The following ARHGAP10 variants were observed in gnomAD, a reference collection of about 807,000 sequenced individuals.
ARHGAP10 encodes rho GTPase-activating protein 10.
A neutral mutation model predicts 108.6 loss-of-function variants in ARHGAP10; 87 were observed. That is an observed-to-expected ratio of 0.80 (90% CI 0.67 to 0.96). The LOEUF is 0.96. Among genes scored for constraint, ARHGAP10 ranks in the 40% least tolerant of loss-of-function variants. ARHGAP10 has a pLI of 0.00. For missense variants in ARHGAP10, 939 were observed against 954.5 expected (o/e 0.98, Z 0.21); for synonymous variants, 347 against 341.1 (o/e 1.02, Z -0.19).
At chr4:147,942,948 C>T (rs747052215) in intron 14 of ARHGAP10, among the ~76,000 whole-genome samples, 4 of 152,178 alleles carry the variant, frequency 2.6e-5, no homozygotes, top group African/African-American at 9.7e-5. Flanking sequence ...TAAGACAGGG[C>T]GCACAGATTT....
intron 22 of ARHGAP10, among the ~76,000 whole-genome samples, chr4:148,067,048 C>T (rs1729914772): frequency 6.6e-6 from 1 of 152,190 alleles, no homozygotes; most frequent in Non-Finnish European, 1.5e-5. Context: ...CGTTCTGTCC[C>T]TCCCCTAAGG....
chr4:148,002,081 A>G (rs1300060273), intron 18 of ARHGAP10, among the ~76,000 whole-genome samples: 2 of 152,236 alleles, frequency 1.3e-5, no homozygotes, highest in African/African-American at 4.8e-5. Flanking sequence ...ATTTTGAGAT[A>G]CATCCCATGA....
chr4:147,750,658 G>C (rs1328995405), intron 1 of ARHGAP10, among the ~76,000 whole-genome samples: 1 of 151,230 alleles, frequency 6.6e-6, no homozygotes, highest in African/African-American at 2.4e-5. Flanking sequence ...CTGGAGTGCA[G>C]TGGCGTGATC....
chr4:148,063,400 C>G (rs1578841976), intron 21 of ARHGAP10, 100 bp downstream of exon 21: 5 of 1,442,274 alleles, frequency 3.5e-6, no homozygotes, highest in Non-Finnish European at 4.7e-6. Context: ...CAAAAGCTTG[C>G]CCAGATACCC....
At chr4:148,032,255 G>A (rs1728179003) in intron 19 of ARHGAP10, among the ~76,000 whole-genome samples, 1 of 143,792 alleles carries the variant, frequency 7.0e-6, no homozygotes, top group Non-Finnish European at 1.5e-5. Context: ...AGCCATTGAT[G>A]TTCATGGGTT....
chr4:147,806,048 C>A (rs1204656957), intron 1 of ARHGAP10, among the ~76,000 whole-genome samples: 1 of 152,056 alleles, frequency 6.6e-6, no homozygotes. Context: ...TTTATAAAAT[C>A]CATACTTTAA....
At chr4:147,889,001 CTG>C (rs1234600338) in intron 10 of ARHGAP10, among the ~76,000 whole-genome samples, 1 of 152,196 alleles carries the variant, frequency 6.6e-6, no homozygotes, top group African/African-American at 2.4e-5. Flanking sequence ...GGTAGGAACA[CTG>C]TCTTACTTAG....
At position 148,061,419 on chromosome 4, in the gene ARHGAP10, C is replaced by G. The variant is rs563458839; in HGVS notation, c.2028-1729C>G. On this transcript the variant is annotated intron_variant, in intron 20 of 22. Coordinates refer to ENST00000336498, the MANE Select transcript of ARHGAP10 (RefSeq NM_024605.4). Reference sequence around the variant, plus strand: ...AGGGCTTCACTCACGCCTACCTGTCCTTTCCGTTCCTGATTAGTAAGACAA... The same window carrying G: ...AGGGCTTCACTCACGCCTACCTGTCGTTTCCGTTCCTGATTAGTAAGACAA... Among the ~76,000 whole-genome samples, 4 of 152,074 alleles carry G rather than the reference C, an allele frequency of 2.6e-5. No individual in the cohort carries two copies. The South Asian group carries it at 8.3e-4, about 32-fold the overall frequency.
chr4:148,017,652 CTATATATATATATATATATA>C (rs35472561), intron 18 of ARHGAP10, among the ~76,000 whole-genome samples: 4 of 105,334 alleles, frequency 3.8e-5, no homozygotes, highest in African/African-American at 1.7e-4. Context: ...GAGCCAGTAA[CTATATATATATATATATATA>C]TATATATATA....
At chr4:147,819,650 C>G (rs893624772) in intron 1 of ARHGAP10, among the ~76,000 whole-genome samples, 1 of 152,096 alleles carries the variant, frequency 6.6e-6, no homozygotes, top group Non-Finnish European at 1.5e-5. Flanking sequence ...CGGGTTCCTC[C>G]CGGGTTCACA....
intron 18 of ARHGAP10, among the ~76,000 whole-genome samples, chr4:147,989,500 T>C (rs1177029936): frequency 6.6e-6 from 1 of 151,838 alleles, no homozygotes; most frequent in East Asian, 1.9e-4. Context: ...AGGTACGCCC[T>C]GGGGGGACCA....
Position 147,866,620 on chromosome 4 carries a change from G to C in ARHGAP10, c.598-92G>C, listed in dbSNP as rs984509022. The C allele has an allele frequency of 6.0e-5, 51 of 850,610 alleles. No homozygotes were observed. The African/African-American group carries it at 7.9e-4, about 13-fold the overall frequency. The allele number at this position is 850,610 out of a possible 1,614,324, so 52.7% of individuals were successfully genotyped here. A position where few individuals can be genotyped will look rare whatever the true frequency, so the allele number is the denominator to read the frequency against. ...CAGTTTATTTCAGTGGAATAACAGTGAGATGGCGGGGGGAACACTTGGTTG... is the reference window on the plus strand; with the variant it reads ...CAGTTTATTTCAGTGGAATAACAGTCAGATGGCGGGGGGAACACTTGGTTG... On this transcript the variant is annotated intron_variant, in intron 6 of 22. Transcript: ENST00000336498.
At chr4:147,745,945 C>G (rs1280581858) in intron 1 of ARHGAP10, among the ~76,000 whole-genome samples, 3 of 151,484 alleles carry the variant, frequency 2.0e-5, no homozygotes, top group Non-Finnish European at 4.4e-5. Context: ...CACCACCACA[C>G]CTGGCTAATT....
chr4:147,859,427 C>T (rs1734225735), intron 5 of ARHGAP10, among the ~76,000 whole-genome samples: 1 of 151,974 alleles, frequency 6.6e-6, no homozygotes, highest in Admixed American at 6.6e-5. Flanking sequence ...CGCCCACTAC[C>T]ACGCCCAGCT....
At chr4:147,756,424 T>G (rs551453169) in intron 1 of ARHGAP10, among the ~76,000 whole-genome samples, 11 of 152,332 alleles carry the variant, frequency 7.2e-5, no homozygotes, top group Middle Eastern at 6.8e-3. Context: ...CTCCATTAAC[T>G]TCAGTTAATC....
chr4:148,043,688 G>A (rs1462213044), intron 19 of ARHGAP10, among the ~76,000 whole-genome samples: 1 of 104,750 alleles, frequency 9.5e-6, no homozygotes, highest in Non-Finnish European at 2.0e-5. Flanking sequence ...AAGTATATAG[G>A]AAAAATGTAT....
intron 10 of ARHGAP10, among the ~76,000 whole-genome samples, chr4:147,906,407 A>C (rs952162605): frequency 1.3e-5 from 2 of 152,248 alleles, no homozygotes; most frequent in Admixed American, 1.3e-4. Context: ...TCAGTTTTGC[A>C]AGATGAAAAA....
chr4:147,732,690 A>T (rs1237998413), intron 1 of ARHGAP10, among the ~76,000 whole-genome samples: 1 of 151,852 alleles, frequency 6.6e-6, no homozygotes, highest in Non-Finnish European at 1.5e-5. Context: ...GGCGGGAACC[A>T]GCTGCCAGCG....
intron 8 of ARHGAP10, among the ~76,000 whole-genome samples, chr4:147,876,190 C>G (rs1031951204): frequency 6.6e-6 from 1 of 152,160 alleles, no homozygotes. Flanking sequence ...AATCTCGCAG[C>G]CTTCACCTTT....
Sources: allele counts gnomAD v4.1 joint callset (sites outside exome capture counted in the v4.1 genomes callset), GRCh38; gene constraint gnomAD v4.1.1; transcripts MANE v1.5; gene names NCBI Gene and HGNC (gene_info 2026-07-23, HGNC 2026-07-21).